Variants in NFIA observed in about 807,000 individuals in gnomAD.
NFIA encodes nuclear factor I A.
NFIA carries 8 observed loss-of-function variants against 62.8 expected under a neutral mutation model. The observed-to-expected ratio is 0.13, with a 90% CI of 0.07 to 0.23. The LOEUF is 0.23. NFIA is among the 10% of genes least tolerant of loss of function. The pLI is 1.00. For synonymous variants in NFIA, 235 were observed against 238.1 expected (o/e 0.99, Z 0.12); for missense variants, 410 against 642.1 (o/e 0.64, Z 3.91).
At chr1:61,211,539 T>C (rs1653256912) in intron 2 of NFIA, among the ~76,000 whole-genome samples, 1 of 152,192 alleles carries the variant, frequency 6.6e-6, no homozygotes, top group African/African-American at 2.4e-5. Flanking sequence ...CATTGCCGTT[T>C]TATAGATGAA....
intron 2 of NFIA, among the ~76,000 whole-genome samples, chr1:61,271,343 G>A (rs903040357): frequency 1.3e-5 from 2 of 152,168 alleles, no homozygotes; most frequent in African/African-American, 4.8e-5. Flanking sequence ...ACACAGTACC[G>A]ACTAAACAGA....
At chr1:61,437,379 C>CT (rs1557438328) in intron 10 of NFIA, among the ~76,000 whole-genome samples, 1 of 152,008 alleles carries the variant, frequency 6.6e-6, no homozygotes, top group Non-Finnish European at 1.5e-5. Context: ...CACAGAGAAA[C>CT]CCTGGACTAG....
chr1:61,207,065 G>A (rs1386032092), intron 2 of NFIA, among the ~76,000 whole-genome samples: 1 of 152,178 alleles, frequency 6.6e-6, no homozygotes, highest in Non-Finnish European at 1.5e-5. Context: ...GCCAACAGTG[G>A]ACTTGTGGAG....
At chr1:61,162,772 C>CT (rs1372915768) in intron 2 of NFIA, among the ~76,000 whole-genome samples, 4 of 151,668 alleles carry the variant, frequency 2.6e-5, no homozygotes, top group African/African-American at 9.7e-5. Flanking sequence ...ATAAGCAGTT[C>CT]TCAGCCACCA....
At chr1:61,108,158 T>C (rs1028524154) in intron 2 of NFIA, among the ~76,000 whole-genome samples, 1 of 151,686 alleles carries the variant, frequency 6.6e-6, no homozygotes, top group African/African-American at 2.4e-5. Flanking sequence ...GGCATTACTT[T>C]GTCAAGTTTT....
intron 7 of NFIA, among the ~76,000 whole-genome samples, chr1:61,391,986 T>C (rs1665007326): frequency 6.6e-6 from 1 of 152,240 alleles, no homozygotes; most frequent in African/African-American, 2.4e-5. Context: ...TATTGGAGTA[T>C]GTCACTTGAG....
intron 7 of NFIA, among the ~76,000 whole-genome samples, chr1:61,388,393 C>G (rs2100494607): frequency 6.6e-6 from 1 of 152,226 alleles, no homozygotes; most frequent in South Asian, 2.1e-4. Context: ...TTCTTCATCC[C>G]TTTGCCTTTT....
chr1:61,425,269 G>A (rs1181355781), intron 9 of NFIA, among the ~76,000 whole-genome samples: 1 of 151,984 alleles, frequency 6.6e-6, no homozygotes, highest in Non-Finnish European at 1.5e-5. Context: ...CAAGAAGTAT[G>A]AGCAATTTTC....
At chr1:61,184,844 A>G (rs1211229811) in intron 2 of NFIA, among the ~76,000 whole-genome samples, 1 of 152,230 alleles carries the variant, frequency 6.6e-6, no homozygotes, top group Non-Finnish European at 1.5e-5. Flanking sequence ...TTTGCACATG[A>G]ACACGAAGGA....
chr1:61,166,916 C>T (rs1189737650), intron 2 of NFIA, among the ~76,000 whole-genome samples: 3 of 152,152 alleles, frequency 2.0e-5, no homozygotes, highest in African/African-American at 4.8e-5. Flanking sequence ...CCAAGGCGGG[C>T]GGATCACAAG....
chr1:61,081,779 A>C, upstream of NFIA: 1 of 1,250,146 alleles, frequency 8.0e-7, no homozygotes, highest in Admixed American at 2.3e-5. Flanking sequence ...ACAGGACCGA[A>C]GCTGCACAAA....
At chr1:61,283,659 A>G (rs1465559165) in intron 3 of NFIA, among the ~76,000 whole-genome samples, 1 of 150,790 alleles carries the variant, frequency 6.6e-6, no homozygotes, top group Non-Finnish European at 1.5e-5. Flanking sequence ...AGAGAAACCT[A>G]TAAATTTCTT....
intron 2 of NFIA, among the ~76,000 whole-genome samples, chr1:61,260,620 G>A (rs1015587744): frequency 1.1e-4 from 17 of 152,196 alleles, no homozygotes; most frequent in Admixed American, 3.3e-4. Flanking sequence ...TCGCTCTGTC[G>A]CCCAGGCTGG....
chr1:61,206,145 A>G (rs556899319), intron 2 of NFIA, among the ~76,000 whole-genome samples: 1 of 152,134 alleles, frequency 6.6e-6, no homozygotes, highest in South Asian at 2.1e-4. Context: ...TATTTTGCAG[A>G]CATTTTTAAG....
intron 2 of NFIA, among the ~76,000 whole-genome samples, chr1:61,229,133 GA>G (rs397863816): frequency 0.13 from 18,503 of 138,688 alleles, 1,260 homozygotes; most frequent in East Asian, 0.18. Flanking sequence ...CAGGGTAAAA[GA>G]AAAAAAAAAA....
At chr1:61,142,620 A>T (rs752609385) in intron 2 of NFIA, among the ~76,000 whole-genome samples, 26 of 152,304 alleles carry the variant, frequency 1.7e-4, no homozygotes, top group Non-Finnish European at 3.5e-4. Flanking sequence ...GAAATTGTAA[A>T]GGTTACTTTC....
intron 2 of NFIA, among the ~76,000 whole-genome samples, chr1:61,246,664 G>A (rs925565856): frequency 3.3e-5 from 5 of 152,040 alleles, no homozygotes; most frequent in African/African-American, 9.7e-5. Flanking sequence ...CCCTTCAAAG[G>A]TGGGATGACT....
At chr1:61,398,260 T>C (rs1183955711) in intron 7 of NFIA, among the ~76,000 whole-genome samples, 1 of 152,226 alleles carries the variant, frequency 6.6e-6, no homozygotes, top group Admixed American at 6.5e-5. Flanking sequence ...GTATCTGGTC[T>C]TTACAGAAAA....
At chr1:61,263,649 A>T (rs1656913641) in intron 2 of NFIA, among the ~76,000 whole-genome samples, 1 of 152,152 alleles carries the variant, frequency 6.6e-6, no homozygotes, top group African/African-American at 2.4e-5. Flanking sequence ...ACACAGAGAC[A>T]CTCCATGTTC....
Sources: gnomAD v4.1 joint callset for allele counts (sites outside exome capture counted in the v4.1 genomes callset) on GRCh38, gnomAD v4.1.1 for gene constraint, MANE v1.5 for transcripts, NCBI Gene and HGNC (gene_info 2026-07-23, HGNC 2026-07-21) for gene names.